Variants in FRMPD4 observed in about 807,000 individuals in gnomAD.
The protein encoded by FRMPD4 is FERM and PDZ domain-containing protein 4.
Under a neutral mutation model 94.1 loss-of-function variants are expected in FRMPD4, and 22 were observed. The ratio of observed to expected loss-of-function variants is 0.23; its 90% CI spans 0.17 to 0.33. The LOEUF (loss-of-function observed/expected upper bound fraction) is 0.33. Ranked by LOEUF, FRMPD4 falls within the 10% of genes least tolerant of loss-of-function variation. The pLI, the probability that FRMPD4 is intolerant of heterozygous loss-of-function variation, is 1.00. For missense variants in FRMPD4, 1,111 were observed against 1,339.9 expected (o/e 0.83, Z 2.67); for synonymous variants, 631 against 548.6 (o/e 1.15, Z -2.10).
intron 2 of FRMPD4, among the ~76,000 whole-genome samples, chrX:12,601,899 C>G (rs938798007): frequency 1.8e-5 from 2 of 111,055 alleles, no homozygotes; most frequent in African/African-American, 3.3e-5. Context: ...GTCTTCTACC[C>G]TTGCTTCCTC....
chrX:11,999,996 G>T (rs1289748096), intron 3 of FRMPD4, among the ~76,000 whole-genome samples: 1 of 111,927 alleles, frequency 8.9e-6, no homozygotes, highest in Admixed American at 9.5e-5. Flanking sequence ...ACTCTTTGAC[G>T]AAAAGAACTC....
chrX:12,593,052 T>G (rs1003246546), intron 2 of FRMPD4, among the ~76,000 whole-genome samples: 1 of 111,785 alleles, frequency 8.9e-6, no homozygotes, highest in Non-Finnish European at 1.9e-5. Context: ...CTGGCATCCT[T>G]GATTTTGCTT....
At chrX:12,355,507 C>T (rs1008241233) in intron 1 of FRMPD4, among the ~76,000 whole-genome samples, 2 of 112,085 alleles carry the variant, frequency 1.8e-5, no homozygotes, top group African/African-American at 6.5e-5. Context: ...ATGCCTGAAG[C>T]ACTTCCACGT....
At chrX:12,025,960 C>T (rs1420989657) in intron 3 of FRMPD4, among the ~76,000 whole-genome samples, 2 of 111,881 alleles carry the variant, frequency 1.8e-5, no homozygotes, top group Non-Finnish European at 3.8e-5. Flanking sequence ...TTATTTTAAG[C>T]TGCTCATTTT....
At chrX:12,328,816 C>T (rs745917009) in intron 1 of FRMPD4, among the ~76,000 whole-genome samples, 8 of 111,631 alleles carry the variant, frequency 7.2e-5, no homozygotes, top group African/African-American at 2.6e-4. Flanking sequence ...AGGAGGGAAC[C>T]TCATCCCTGA....
intron 1 of FRMPD4, among the ~76,000 whole-genome samples, chrX:12,258,936 C>G (rs759560364): frequency 4.5e-5 from 5 of 111,583 alleles, no homozygotes; most frequent in African/African-American, 1.6e-4. Context: ...TATTTTTATA[C>G]CTATCAACCA....
At chrX:12,175,250 T>C (rs1003865346) in intron 1 of FRMPD4, among the ~76,000 whole-genome samples, 2 of 112,080 alleles carry the variant, frequency 1.8e-5, no homozygotes, top group Non-Finnish European at 3.8e-5. Context: ...GGGCAGGAGA[T>C]GAGAGACATC....
chrX:12,582,780 C>T (rs757101863), intron 2 of FRMPD4, among the ~76,000 whole-genome samples: 2 of 112,036 alleles, frequency 1.8e-5, no homozygotes, highest in Non-Finnish European at 3.8e-5. Flanking sequence ...GTGCTGTCAG[C>T]CAACCAAGAG....
intron 4 of FRMPD4, among the ~76,000 whole-genome samples, chrX:12,656,643 C>T (rs1302645495): frequency 1.8e-5 from 2 of 112,200 alleles, no homozygotes; most frequent in Non-Finnish European, 3.8e-5. Flanking sequence ...TATAATGTTG[C>T]AAATGAGGTC....
At chrX:12,183,997 G>T (rs2056393743) in intron 1 of FRMPD4, among the ~76,000 whole-genome samples, 1 of 109,445 alleles carries the variant, frequency 9.1e-6, no homozygotes, top group Non-Finnish European at 1.9e-5. Flanking sequence ...AAATCAGAAG[G>T]GCACATTTTT....
intron 3 of FRMPD4, among the ~76,000 whole-genome samples, chrX:11,895,321 A>G (rs1417330392): frequency 9.0e-6 from 1 of 111,590 alleles, no homozygotes; most frequent in Non-Finnish European, 1.9e-5. Context: ...GCCCTGAGGG[A>G]CAAAAATCAC....
intron 1 of FRMPD4, among the ~76,000 whole-genome samples, chrX:12,259,972 T>C (rs1024735003): frequency 1.8e-5 from 2 of 112,170 alleles, no homozygotes; most frequent in Non-Finnish European, 3.8e-5. Context: ...ATTTCATTTC[T>C]CAGTTGACAT....
chrX:11,946,988 C>G (rs1422140995), intron 3 of FRMPD4, among the ~76,000 whole-genome samples: 5 of 111,661 alleles, frequency 4.5e-5, no homozygotes, highest in African/African-American at 1.3e-4. Context: ...CCAGGTGAGC[C>G]AATTCCCATA....
At chrX:12,621,958 AAGAAAGAAAG>A (rs1354119906) in intron 4 of FRMPD4, among the ~76,000 whole-genome samples, 6 of 89,236 alleles carry the variant, frequency 6.7e-5, no homozygotes, top group Admixed American at 5.2e-4. Flanking sequence ...GAGAGAGAGA[AAGAAAGAAAG>A]AGAAAGAAAG....
At chrX:12,397,344 C>T (rs759988798) in intron 1 of FRMPD4, among the ~76,000 whole-genome samples, 3 of 111,204 alleles carry the variant, frequency 2.7e-5, no homozygotes, top group African/African-American at 9.8e-5. Flanking sequence ...GAAATGTACT[C>T]TGTGTAACAA....
chrX:12,468,497 C>T (rs16986901), intron 1 of FRMPD4, among the ~76,000 whole-genome samples: 3,474 of 111,188 alleles, frequency 0.031, 139 homozygotes, highest in African/African-American at 0.11. Flanking sequence ...ATTAAGCACC[C>T]GACACTCCAA....
At chrX:12,584,523 A>G (rs190124359) in intron 2 of FRMPD4, among the ~76,000 whole-genome samples, 1 of 111,934 alleles carries the variant, frequency 8.9e-6, no homozygotes, top group Admixed American at 9.4e-5. Context: ...CAAGGTTTGG[A>G]AGCCCTAGCC....
chrX:12,018,164 C>T (rs186869443), intron 3 of FRMPD4, among the ~76,000 whole-genome samples: 1 of 110,590 alleles, frequency 9.0e-6, no homozygotes, highest in African/African-American at 3.3e-5. Context: ...GGAACTTAAT[C>T]TCTCACAGCT....
At chrX:12,471,039 T>C (rs754909870) in intron 1 of FRMPD4, among the ~76,000 whole-genome samples, 1 of 112,569 alleles carries the variant, frequency 8.9e-6, no homozygotes, top group East Asian at 2.8e-4. Flanking sequence ...TGTTGATGTT[T>C]TGTTCATGCA....
Sources: gnomAD v4.1 joint callset for allele counts (sites outside exome capture counted in the v4.1 genomes callset) on GRCh38, gnomAD v4.1.1 for gene constraint, MANE v1.5 for transcripts, NCBI Gene and HGNC (gene_info 2026-07-23, HGNC 2026-07-21) for gene names.